The following KIAA0825 variants were observed in gnomAD, a reference collection of about 807,000 sequenced individuals.
KIAA0825 encodes the protein uncharacterized protein KIAA0825.
A neutral mutation model predicts 147.6 loss-of-function variants in KIAA0825; 119 were observed. The ratio of observed to expected loss-of-function variants is 0.81; its 90% CI spans 0.69 to 0.94. The LOEUF is 0.94. KIAA0825 is among the 40% of genes least tolerant of loss of function. The pLI is 0.00. For synonymous variants in KIAA0825, 470 were observed against 518.1 expected, an observed-to-expected ratio of 0.91 and a Z score of 1.26; for missense variants, 1,381 against 1,472.7, an observed-to-expected ratio of 0.94 and a Z score of 1.02.
At chr5:94,489,290 G>C (rs1271506053) in intron 5 of KIAA0825, among the ~76,000 whole-genome samples, 1 of 152,110 alleles carries the variant, frequency 6.6e-6, no homozygotes, top group Non-Finnish European at 1.5e-5. Flanking sequence ...GGGCAGTATG[G>C]TTCAGGATCT....
At chr5:94,280,308 C>T (rs955356891) in intron 20 of KIAA0825, among the ~76,000 whole-genome samples, 1 of 152,060 alleles carries the variant, frequency 6.6e-6, no homozygotes, top group African/African-American at 2.4e-5. Flanking sequence ...ACCAGAAATA[C>T]AGTTTTTTAT....
intron 20 of KIAA0825, among the ~76,000 whole-genome samples, chr5:94,166,777 A>G (rs1276630551): frequency 1.3e-5 from 2 of 151,916 alleles, no homozygotes; most frequent in East Asian, 1.9e-4. Context: ...CAAAGTGCTC[A>G]TGTCCTTCTT....
intron 2 of KIAA0825, among the ~76,000 whole-genome samples, chr5:94,542,584 A>G (rs1313394593): frequency 1.3e-5 from 2 of 152,170 alleles, no homozygotes; most frequent in African/African-American, 4.8e-5. Context: ...AGGCAGAGGG[A>G]TCACCTGAGG....
chr5:94,585,088 G>A (rs1783019891), intron 1 of KIAA0825, among the ~76,000 whole-genome samples: 1 of 152,088 alleles, frequency 6.6e-6, no homozygotes, highest in African/African-American at 2.4e-5. Context: ...GCAAAAACAT[G>A]CCAAATTATA....
chr5:94,535,530 A>AT (rs1771818538), intron 3 of KIAA0825, among the ~76,000 whole-genome samples: 1 of 149,218 alleles, frequency 6.7e-6, no homozygotes, highest in African/African-American at 2.5e-5. Context: ...GCTTGTAATC[A>AT]TAAGTACTTT....
chr5:94,275,361 C>G (rs1246954777), intron 20 of KIAA0825, among the ~76,000 whole-genome samples: 1 of 152,090 alleles, frequency 6.6e-6, no homozygotes, highest in African/African-American at 2.4e-5. Context: ...ATGCAACTTG[C>G]CCTGATACAA....
chr5:94,568,199 C>A lies in KIAA0825; in HGVS notation c.-2+14234G>T, dbSNP rs141757486. On this transcript the variant is annotated intron_variant, in intron 2 of 20. Transcript: ENST00000682413. ...TAACCTCAACAATGAACAAGACATT[C>A]GAAAAATAGGAGGACTACTCAAAAT... is the stretch of plus-strand genomic sequence containing the variant. 2.0e-3 allele frequency: 321 copies of A among 160,324 alleles called. 2 individuals carry two copies. The highest frequency in any genetic ancestry group is 7.4e-3 in the African/African-American group (310 of 41,680). The allele number at this position is 160,324 out of a possible 1,614,324, so 9.9% of individuals were successfully genotyped here. A position where few individuals can be genotyped will look rare whatever the true frequency, so the allele number is the denominator to read the frequency against.
At chr5:94,529,112 T>A (rs1769996415) in intron 3 of KIAA0825, among the ~76,000 whole-genome samples, 1 of 151,080 alleles carries the variant, frequency 6.6e-6, no homozygotes, top group African/African-American at 2.4e-5. Context: ...AGAAGCTACA[T>A]ACTGAGGGTT....
chr5:94,543,135 C>T lies in KIAA0825; in HGVS notation c.-1-6008G>A, dbSNP rs181422019. ...GGTATTTGAGGGTACAAGCCCATGACTTGGCTTGGCTTTAAAAAAGTCTTG... is the reference window on the plus strand; with the variant it reads ...GGTATTTGAGGGTACAAGCCCATGATTTGGCTTGGCTTTAAAAAAGTCTTG... On this transcript the variant is annotated intron_variant, in intron 2 of 20. Coordinates refer to ENST00000682413, the MANE Select transcript of KIAA0825 (RefSeq NM_001145678.3). Among the ~76,000 whole-genome samples, 307 of 152,296 alleles carry T rather than the reference C, an allele frequency of 2.0e-3. 2 individuals are homozygous for T. Among genetic ancestry groups the T allele is most frequent in the African/African-American group, 7.2e-3 (298 of 41,562 alleles).
intron 2 of KIAA0825, among the ~76,000 whole-genome samples, chr5:94,551,021 A>G (rs1045429871): frequency 6.6e-6 from 1 of 151,968 alleles, no homozygotes; most frequent in Non-Finnish European, 1.5e-5. Context: ...AAAATTCAAC[A>G]AAGTGATAGA....
chr5:94,512,475 T>C (rs1766629720), intron 5 of KIAA0825, among the ~76,000 whole-genome samples: 1 of 151,494 alleles, frequency 6.6e-6, no homozygotes, highest in Admixed American at 6.6e-5. Context: ...TAAATTAAGA[T>C]ATGGGTCCAG....
At chr5:94,542,282 A>G (rs887587490) in intron 2 of KIAA0825, among the ~76,000 whole-genome samples, 1 of 152,200 alleles carries the variant, frequency 6.6e-6, no homozygotes, top group Non-Finnish European at 1.5e-5. Context: ...GTCTAAAATA[A>G]TCTTTTTAAC....
intron 14 of KIAA0825, among the ~76,000 whole-genome samples, chr5:94,439,689 T>A (rs529000036): frequency 6.6e-6 from 1 of 152,316 alleles, no homozygotes; most frequent in South Asian, 2.1e-4. Flanking sequence ...GTCCTACAAT[T>A]TTTTTAGGCA....
At chr5:94,298,380 T>C (rs1459202795) in intron 20 of KIAA0825, among the ~76,000 whole-genome samples, 1 of 152,210 alleles carries the variant, frequency 6.6e-6, no homozygotes, top group Non-Finnish European at 1.5e-5. Context: ...TCTTCCATAG[T>C]TTAGCTATGA....
intron 1 of KIAA0825, among the ~76,000 whole-genome samples, chr5:94,583,576 G>T (rs1411395813): frequency 1.3e-5 from 2 of 152,314 alleles, no homozygotes; most frequent in African/African-American, 4.8e-5. Flanking sequence ...TGCCTCTCTA[G>T]ATTCCACCTC....
intron 1 of KIAA0825, among the ~76,000 whole-genome samples, chr5:94,588,425 A>C (rs1020276304): frequency 3.3e-5 from 5 of 152,214 alleles, no homozygotes; most frequent in African/African-American, 4.8e-5. Context: ...CAGCCAACAG[A>C]CATATGAAAA....
At chr5:94,436,049 C>A (rs1756330387) in intron 14 of KIAA0825, among the ~76,000 whole-genome samples, 1 of 152,106 alleles carries the variant, frequency 6.6e-6, no homozygotes, top group African/African-American at 2.4e-5. Flanking sequence ...GCATAGTTTG[C>A]AAAATTTTTT....
At chr5:94,208,375 T>G (rs1772395739) in intron 20 of KIAA0825, among the ~76,000 whole-genome samples, 1 of 152,228 alleles carries the variant, frequency 6.6e-6, no homozygotes, top group South Asian at 2.1e-4. Context: ...TTGAATTAAC[T>G]AACATCTATT....
intron 20 of KIAA0825, among the ~76,000 whole-genome samples, chr5:94,178,001 A>G (rs964534432): frequency 6.6e-6 from 1 of 152,132 alleles, no homozygotes; most frequent in Non-Finnish European, 1.5e-5. Flanking sequence ...CAAGTCTTCC[A>G]TATTTCAATA....
Sources: allele counts gnomAD v4.1 joint callset (sites outside exome capture counted in the v4.1 genomes callset), GRCh38; gene constraint gnomAD v4.1.1; transcripts MANE v1.5; gene names NCBI Gene and HGNC (gene_info 2026-07-23, HGNC 2026-07-21).